TCERG1L: variants seen among roughly 807,000 people sequenced by gnomAD.
TCERG1L encodes transcription elongation regulator 1-like protein.
A neutral mutation model predicts 56.3 loss-of-function variants in TCERG1L; 37 were observed. That is an observed-to-expected ratio of 0.66 (90% CI 0.51 to 0.87). The LOEUF is 0.87. Among genes scored for constraint, TCERG1L ranks in the 40% least tolerant of loss-of-function variants. The probability of loss-of-function intolerance (pLI) is 0.00; values close to 1 mark genes in which losing one functional copy is unlikely to be tolerated. For missense variants in TCERG1L, 799 were observed against 774.2 expected, an observed-to-expected ratio of 1.03 and a Z score of -0.38; for synonymous variants, 324 against 326.3, an observed-to-expected ratio of 0.99 and a Z score of 0.08.
intron 3 of TCERG1L, among the ~76,000 whole-genome samples, chr10:131,293,417 G>A (rs950659967): frequency 4.6e-5 from 7 of 151,930 alleles, no homozygotes; most frequent in Non-Finnish European, 4.4e-5. Context: ...AAATCCAAAG[G>A]GCTAAAGTCA....
chr10:131,111,356 C>T (rs1000586781), intron 9 of TCERG1L, among the ~76,000 whole-genome samples: 4 of 142,816 alleles, frequency 2.8e-5, no homozygotes, highest in African/African-American at 9.9e-5. Flanking sequence ...CTGGGTCATA[C>T]AGGGCCCCCA....
At chr10:131,232,674 G>C (rs1845865188) in intron 4 of TCERG1L, among the ~76,000 whole-genome samples, 1 of 152,220 alleles carries the variant, frequency 6.6e-6, no homozygotes, top group Non-Finnish European at 1.5e-5. Flanking sequence ...AGTGCGGACA[G>C]CTCAAGTAGT....
In TCERG1L at chr10:131,311,176, G is replaced by T; in HGVS notation, c.342+118C>A. 1 of 817,024 alleles carries T rather than the reference G, an allele frequency of 1.2e-6. No individual in the cohort carries two copies. Among genetic ancestry groups the T allele is most frequent in the Non-Finnish European group, 1.6e-6 (1 of 629,876 alleles). The allele number at this position is 817,024 out of a possible 1,614,324, so 50.6% of individuals were successfully genotyped here. A position where few individuals can be genotyped will look rare whatever the true frequency, so the allele number is the denominator to read the frequency against. On this transcript the variant is annotated intron_variant, in intron 1 of 11. Transcript: ENST00000368642. This position sits in a 1 kb window ranked among gnomAD's most constrained non-coding sequence, Gnocchi z 4.0. Reference sequence around the variant, plus strand: ...GGGCTCCGTCCTGAGGGTTTGGGGCGGCGAGGACCGCCGGGGAGGAGGGCG... The same window carrying T: ...GGGCTCCGTCCTGAGGGTTTGGGGCTGCGAGGACCGCCGGGGAGGAGGGCG...
At chr10:131,235,138 C>T (rs12262191) in intron 4 of TCERG1L, among the ~76,000 whole-genome samples, 2,576 of 152,278 alleles carry the variant, frequency 0.017, 49 homozygotes, top group African/African-American at 0.047. Context: ...ACTCAGATGG[C>T]GCCCAAGGTC....
Position 131,194,103 on chromosome 10 carries a change from C to T in TCERG1L, c.857-27218G>A, listed in dbSNP as rs947303239. 5.9e-5 allele frequency among the ~76,000 whole-genome samples: 9 copies of T among 152,262 alleles called. No homozygotes were observed. In the South Asian group the frequency reaches 1.9e-3, roughly 32 times the overall value. On this transcript the variant is annotated intron_variant, in intron 4 of 11. Transcript: ENST00000368642. ...CTAGGCTTCCGGCACTCCGGCCACA[C>T]CACACGGCATGGAGCTTTGACCCGT...
At chr10:131,111,888 G>A (rs1845416726) in intron 9 of TCERG1L, among the ~76,000 whole-genome samples, 1 of 143,366 alleles carries the variant, frequency 7.0e-6, no homozygotes, top group African/African-American at 2.5e-5. Flanking sequence ...TAAGACACCG[G>A]CAGCCGAAAG....
intron 3 of TCERG1L, among the ~76,000 whole-genome samples, chr10:131,296,598 G>A (rs1014317589): frequency 4.6e-5 from 7 of 152,104 alleles, no homozygotes; most frequent in Admixed American, 1.3e-4. Flanking sequence ...AACTACTGTG[G>A]TGATTCCACT....
chr10:131,223,280 C>T (rs1589753573), intron 4 of TCERG1L, among the ~76,000 whole-genome samples: 1 of 152,206 alleles, frequency 6.6e-6, no homozygotes, highest in Non-Finnish European at 1.5e-5. Context: ...CAAGCCCAGC[C>T]GTGTCCCCAC....
rs1845493824 is a variant in TCERG1L, at chr10:131,119,616, T to G, written c.1260-2682A>C. ...TTCAGCACAATACTCTGTGCAGGGC[T>G]GCCGCACGCCTTCCAAATGGCTATC... On this transcript the variant is annotated intron_variant, in intron 8 of 11. Coordinates refer to ENST00000368642, the MANE Select transcript of TCERG1L (RefSeq NM_174937.4). Among the ~76,000 whole-genome samples the G allele has an allele frequency of 2.0e-5, 3 of 152,370 alleles. No individual in the cohort carries two copies. In the South Asian group the frequency reaches 6.2e-4, roughly 32 times the overall value.
chr10:131,296,051 TTTC>T (rs1217865535), intron 3 of TCERG1L, among the ~76,000 whole-genome samples: 1 of 152,200 alleles, frequency 6.6e-6, no homozygotes, highest in African/African-American at 2.4e-5. Context: ...CTGTGTGCCT[TTTC>T]TTTTTTCTGC....
intron 4 of TCERG1L, among the ~76,000 whole-genome samples, chr10:131,211,058 T>C (rs971017051): frequency 1.3e-5 from 2 of 152,252 alleles, no homozygotes; most frequent in South Asian, 4.1e-4. Flanking sequence ...GGAGACCTTC[T>C]GAACGTTTGT....
intron 3 of TCERG1L, among the ~76,000 whole-genome samples, chr10:131,288,863 T>C (rs1159348588): frequency 6.6e-6 from 1 of 152,124 alleles, no homozygotes; most frequent in Admixed American, 6.5e-5. Flanking sequence ...AGACCCTCCC[T>C]CAGCGCCTCG....
chr10:131,220,683 G>T (rs2133498182), intron 4 of TCERG1L, among the ~76,000 whole-genome samples: 1 of 152,296 alleles, frequency 6.6e-6, no homozygotes, highest in African/African-American at 2.4e-5. Flanking sequence ...CTTGCCTGAG[G>T]CCCCCACGTG....
intron 6 of TCERG1L, among the ~76,000 whole-genome samples, chr10:131,155,771 C>T (rs1845914093): frequency 6.6e-6 from 1 of 152,190 alleles, no homozygotes; most frequent in Non-Finnish European, 1.5e-5. Context: ...TCAGAGGGAA[C>T]TGGAGGTGGC....
At chr10:131,280,085 T>A (rs1352354603) in intron 3 of TCERG1L, among the ~76,000 whole-genome samples, 1 of 152,220 alleles carries the variant, frequency 6.6e-6, no homozygotes, top group Non-Finnish European at 1.5e-5. Context: ...GAGGTCCTGG[T>A]GACATGTGCC....
At chr10:131,298,763 G>C (rs908871813) in intron 3 of TCERG1L, among the ~76,000 whole-genome samples, 1 of 152,176 alleles carries the variant, frequency 6.6e-6, no homozygotes, top group Non-Finnish European at 1.5e-5. Context: ...CCTATAATAT[G>C]GTAAGGATGA....
intron 7 of TCERG1L, among the ~76,000 whole-genome samples, chr10:131,144,465 C>T (rs909100935): frequency 6.6e-6 from 1 of 152,098 alleles, no homozygotes; most frequent in South Asian, 2.1e-4. Context: ...AATTGTGTCG[C>T]TGCGAAGCTC....
At chr10:131,269,202 T>G (rs113470187) in intron 3 of TCERG1L, among the ~76,000 whole-genome samples, 4 of 42,900 alleles carry the variant, frequency 9.3e-5, no homozygotes, top group South Asian at 9.4e-4. Context: ...TTGTTTGTTT[T>G]TTCATATGGA....
At chr10:131,288,786 T>G (rs1443053917) in intron 3 of TCERG1L, among the ~76,000 whole-genome samples, 2 of 150,956 alleles carry the variant, frequency 1.3e-5, no homozygotes, top group Non-Finnish European at 2.9e-5. Flanking sequence ...GGTTGGAGAA[T>G]GCAGCTCCAA....
Sources: allele counts gnomAD v4.1 joint callset (sites outside exome capture counted in the v4.1 genomes callset), GRCh38; gene constraint gnomAD v4.1.1; non-coding constraint Gnocchi (gnomAD v3.1); transcripts MANE v1.5; gene names NCBI Gene and HGNC (gene_info 2026-07-23, HGNC 2026-07-21).